CUX2: variants seen among roughly 807,000 people sequenced by gnomAD.
CUX2 encodes homeobox protein cut-like 2.
Under a neutral mutation model 144.8 loss-of-function variants are expected in CUX2, and 40 were observed. The observed-to-expected ratio is 0.28, with a 90% confidence interval of 0.21 to 0.36. The LOEUF is 0.36. Ranked by LOEUF, CUX2 falls within the 10% of genes least tolerant of loss-of-function variation. The pLI is 1.00. For synonymous variants in CUX2, 827 were observed against 875.6 expected (o/e 0.94, Z 0.98); for missense variants, 1,615 against 1,994.0 (o/e 0.81, Z 3.62).
chr12:111,226,365 G>A (rs1028086901), intron 3 of CUX2, among the ~76,000 whole-genome samples: 1 of 152,136 alleles, frequency 6.6e-6, no homozygotes, highest in Admixed American at 6.5e-5. Flanking sequence ...AAAACTTAAC[G>A]ATGAACTGAA....
At chr12:111,248,250 G>A (rs933408742) in intron 3 of CUX2, among the ~76,000 whole-genome samples, 5 of 152,176 alleles carry the variant, frequency 3.3e-5, no homozygotes, top group African/African-American at 4.8e-5. Context: ...GCTGGGTCCC[G>A]ATGTCCCTGC....
intron 1 of CUX2, among the ~76,000 whole-genome samples, chr12:111,166,535 A>G (rs528826784): frequency 5.9e-5 from 9 of 152,110 alleles, no homozygotes; most frequent in African/African-American, 2.2e-4. Context: ...CCACCCAACA[A>G]CTCTATGAGG....
chr12:111,125,396 C>T (rs1874995431), intron 1 of CUX2, among the ~76,000 whole-genome samples: 1 of 152,158 alleles, frequency 6.6e-6, no homozygotes, highest in African/African-American at 2.4e-5. Flanking sequence ...CCAGGCTGGT[C>T]TTGAACTCTT....
chr12:111,123,677 A>G (rs563093174), intron 1 of CUX2, among the ~76,000 whole-genome samples: 5 of 152,210 alleles, frequency 3.3e-5, no homozygotes, highest in Non-Finnish European at 7.4e-5. Context: ...CTGAGACTAT[A>G]GGTACATACC....
At chr12:111,342,956 C>CAA (rs11314694) in intron 21 of CUX2, among the ~76,000 whole-genome samples, 46 of 68,350 alleles carry the variant, frequency 6.7e-4, no homozygotes, top group Middle Eastern at 8.3e-3. Flanking sequence ...GAGACTATCT[C>CAA]AAAAAAAAAA....
chr12:111,147,296 A>C (rs1876744119), intron 1 of CUX2, among the ~76,000 whole-genome samples: 1 of 152,196 alleles, frequency 6.6e-6, no homozygotes, highest in Non-Finnish European at 1.5e-5. Context: ...TAGTCCTAGC[A>C]GTGTTTGGGG....
At chr12:111,308,637 A>C in intron 14 of CUX2, 111 bp downstream of exon 14, 1 of 889,156 alleles carries the variant, frequency 1.1e-6, no homozygotes, top group Non-Finnish European at 1.7e-6. Context: ...GGAGAACGAC[A>C]GAACAACAGG....
In CUX2 at chr12:111,322,066, C is replaced by T. The variant is rs1230889475; in HGVS notation, c.2767-355C>T. 6.6e-6 allele frequency among the ~76,000 whole-genome samples: 1 copy of T among 151,876 alleles called. No homozygotes were observed. Among genetic ancestry groups the T allele is most frequent in the East Asian group, 1.9e-4 (1 of 5,176 alleles). On this transcript the variant is annotated intron_variant, in intron 17 of 21. Coordinates refer to ENST00000261726, the MANE Select transcript of CUX2 (RefSeq NM_015267.4). The surrounding 1 kb of genome is among the most constrained non-coding windows in gnomAD (Gnocchi z 4.2). ...GGCATGGTGGCTCACACCTATAATCCCAACACTGTGGGAGGCTGAGTTGGG... is the reference window on the plus strand; with the variant it reads ...GGCATGGTGGCTCACACCTATAATCTCAACACTGTGGGAGGCTGAGTTGGG...
At chr12:111,149,356 C>T (rs1019357885) in intron 1 of CUX2, among the ~76,000 whole-genome samples, 1 of 152,122 alleles carries the variant, frequency 6.6e-6, no homozygotes. Context: ...GACACCCCTA[C>T]CCTAGACCAT....
chr12:111,226,348 T>C (rs946441265), intron 3 of CUX2, among the ~76,000 whole-genome samples: 2 of 152,204 alleles, frequency 1.3e-5, no homozygotes, highest in Non-Finnish European at 2.9e-5. Context: ...CCTGCCCAGC[T>C]TGGGGTAAAA....
intron 1 of CUX2, among the ~76,000 whole-genome samples, chr12:111,130,124 G>A (rs1377397225): frequency 6.6e-6 from 1 of 152,146 alleles, no homozygotes; most frequent in African/African-American, 2.4e-5. Flanking sequence ...TGGGGGGCTG[G>A]GAGAAAAATT....
At chr12:111,181,615 G>A (rs936248754) in intron 1 of CUX2, among the ~76,000 whole-genome samples, 3 of 152,210 alleles carry the variant, frequency 2.0e-5, no homozygotes, top group Non-Finnish European at 2.9e-5. Flanking sequence ...GCCGGCGAGG[G>A]CCTCTGTGCA....
At position 111,310,495 on chromosome 12, in the gene CUX2, C is replaced by T. The variant is rs1456074335; in HGVS notation, c.1713C>T (p.Ile571=). ...AGGAGCAGCTGCTGAAACACAACAT[C>T]GGGCAGCGGGTGTTTGGGCATTACG... ...QVKEQLLKHN[I]GQRVFGHYVL... The change falls in exon 15 of 22, where the codon ATC becomes ATT. Residue 571 remains isoleucine, a synonymous_variant. Coordinates refer to ENST00000261726, the MANE Select transcript of CUX2 (RefSeq NM_015267.4). This position sits in a 1 kb window ranked among gnomAD's most constrained non-coding sequence, Gnocchi z 7.9. The T allele has an allele frequency of 9.3e-6, 15 of 1,614,002 alleles. No homozygotes were observed. The highest frequency in any genetic ancestry group is 2.2e-5 in the East Asian group (1 of 44,880).
At chr12:111,272,998 G>A (rs1388766321) in intron 4 of CUX2, among the ~76,000 whole-genome samples, 1 of 152,180 alleles carries the variant, frequency 6.6e-6, no homozygotes, top group African/African-American at 2.4e-5. Context: ...TCGAGCCGTG[G>A]CGTCTCATTA....
At chr12:111,265,190 T>C (rs1258622011) in intron 4 of CUX2, among the ~76,000 whole-genome samples, 2 of 152,120 alleles carry the variant, frequency 1.3e-5, no homozygotes, top group African/African-American at 4.8e-5. Flanking sequence ...CTCTGGGTGC[T>C]GGGACTGTGG....
At chr12:111,218,551 A>G (rs1013936740) in intron 3 of CUX2, among the ~76,000 whole-genome samples, 19 of 152,116 alleles carry the variant, frequency 1.2e-4, no homozygotes, top group African/African-American at 4.6e-4. Flanking sequence ...AGAAAGATCT[A>G]TGACCTTGAA....
intron 4 of CUX2, among the ~76,000 whole-genome samples, chr12:111,269,879 G>C (rs1334561455): frequency 1.3e-5 from 2 of 152,128 alleles, no homozygotes; most frequent in African/African-American, 4.8e-5. Context: ...CTCCTCCCCA[G>C]AAATGCAGGG....
At chr12:111,105,055 G>A (rs1028749629) in intron 1 of CUX2, among the ~76,000 whole-genome samples, 10 of 152,146 alleles carry the variant, frequency 6.6e-5, no homozygotes, top group Admixed American at 2.0e-4. Flanking sequence ...CTAAGGAGCC[G>A]TCCTTGGCTG....
At chr12:111,316,142 C>CAT (rs1887179044) in intron 16 of CUX2, among the ~76,000 whole-genome samples, 1 of 132,100 alleles carries the variant, frequency 7.6e-6, no homozygotes, top group South Asian at 2.4e-4. Flanking sequence ...TAAAATTAAG[C>CAT]TTTTTTTTTT....
Sources: gnomAD v4.1 joint callset for allele counts (sites outside exome capture counted in the v4.1 genomes callset) on GRCh38, gnomAD v4.1.1 for gene constraint, Gnocchi (gnomAD v3.1) non-coding constraint, MANE v1.5 for transcripts, NCBI Gene and HGNC (gene_info 2026-07-23, HGNC 2026-07-21) for gene names.